Variants in STXBP6 observed in about 807,000 individuals in gnomAD.
STXBP6 encodes the protein syntaxin-binding protein 6.
A neutral mutation model predicts 26.9 loss-of-function variants in STXBP6; 21 were observed. The observed-to-expected ratio is 0.78, with a 90% CI of 0.55 to 1.12. The LOEUF (loss-of-function observed/expected upper bound fraction) is 1.12, where lower values mean the gene tolerates loss of function less well. STXBP6 is among the 50% of genes most tolerant of loss of function. STXBP6 has a pLI of 0.00. For synonymous variants in STXBP6, 97 were observed against 92.6 expected, an observed-to-expected ratio of 1.05 and a Z score of -0.27; for missense variants, 232 against 257.9, an observed-to-expected ratio of 0.90 and a Z score of 0.69.
At chr14:24,913,574 C>G (rs1193065566) in intron 2 of STXBP6, among the ~76,000 whole-genome samples, 1 of 152,158 alleles carries the variant, frequency 6.6e-6, no homozygotes, top group African/African-American at 2.4e-5. Flanking sequence ...CATCTGCAAT[C>G]TCTTTTAGAA....
At chr14:24,860,129 T>A (rs1310307024) in intron 2 of STXBP6, among the ~76,000 whole-genome samples, 1 of 152,208 alleles carries the variant, frequency 6.6e-6, no homozygotes, top group South Asian at 2.1e-4. Flanking sequence ...CATGAACTAA[T>A]GGTCTAAAGA....
intron 2 of STXBP6, among the ~76,000 whole-genome samples, chr14:24,869,852 C>A (rs1455355351): frequency 6.6e-6 from 1 of 152,136 alleles, no homozygotes; most frequent in Non-Finnish European, 1.5e-5. Context: ...GAAGCTGTTG[C>A]TCTCAGTAAA....
intron 1 of STXBP6, among the ~76,000 whole-genome samples, chr14:25,025,127 G>A (rs74857860): frequency 0.053 from 8,124 of 152,106 alleles, 651 homozygotes; most frequent in African/African-American, 0.17. Flanking sequence ...ATTTTGGTGT[G>A]TGGGATTTGA....
At chr14:24,899,812 A>AAAAAAAAGCAAAAAAAAG (rs1566458124) in intron 2 of STXBP6, among the ~76,000 whole-genome samples, 3 of 144,736 alleles carry the variant, frequency 2.1e-5, no homozygotes, top group African/African-American at 8.3e-5. Flanking sequence ...AAAAAAAAAA[A>AAAAAAAAGCAAAAAAAAG]AAAAGAGTAA....
In STXBP6 at chr14:24,818,392, C is replaced by T. The variant is rs768958246; in HGVS notation, c.609+645G>A. Among the ~76,000 whole-genome samples, 9 of 152,260 alleles carry T rather than the reference C, an allele frequency of 5.9e-5. No individual in the cohort carries two copies. The East Asian group carries it at 9.6e-4, about 16-fold the overall frequency. On this transcript the variant is annotated intron_variant, in intron 5 of 5. Coordinates refer to ENST00000323944, the MANE Select transcript of STXBP6 (RefSeq NM_001394410.1). ...AGCGAGTATGAGAATGTGCAGAGTG[C>T]GCACTCAGTCACGCAGGAAATGCCC...
At chr14:24,913,339 A>G (rs2071643776) in intron 2 of STXBP6, among the ~76,000 whole-genome samples, 1 of 152,204 alleles carries the variant, frequency 6.6e-6, no homozygotes, top group Admixed American at 6.5e-5. Context: ...GAAGGAGGAT[A>G]CTGAATGTTC....
At chr14:24,838,793 T>C (rs2068701271) in intron 4 of STXBP6, among the ~76,000 whole-genome samples, 1 of 151,300 alleles carries the variant, frequency 6.6e-6, no homozygotes, top group Admixed American at 6.6e-5. Context: ...TGAGGGAGAG[T>C]GAGCAAGATT....
At chr14:24,820,853 AC>A (rs1430459330) in intron 4 of STXBP6, among the ~76,000 whole-genome samples, 3 of 152,190 alleles carry the variant, frequency 2.0e-5, no homozygotes, top group Non-Finnish European at 2.9e-5. Flanking sequence ...TTTCCCAGTG[AC>A]TTTTCCTTAT....
chr14:24,967,836 C>A (rs2073781763), intron 2 of STXBP6, among the ~76,000 whole-genome samples: 1 of 152,152 alleles, frequency 6.6e-6, no homozygotes, highest in South Asian at 2.1e-4. Context: ...AGAAAGGAAT[C>A]TACTATTTAA....
intron 4 of STXBP6, among the ~76,000 whole-genome samples, chr14:24,820,142 A>G (rs74829999): frequency 2.0e-5 from 3 of 152,362 alleles, no homozygotes; most frequent in Non-Finnish European, 4.4e-5. Flanking sequence ...TTTTGTTAAC[A>G]CTGAGTGTGA....
intron 1 of STXBP6, among the ~76,000 whole-genome samples, chr14:25,034,549 A>G (rs1660710148): frequency 6.6e-6 from 1 of 152,148 alleles, no homozygotes; most frequent in Non-Finnish European, 1.5e-5. Context: ...CTAGTCACGC[A>G]CTGCCTCAGT....
chr14:24,916,604 T>C (rs910607765), intron 2 of STXBP6, among the ~76,000 whole-genome samples: 4 of 152,092 alleles, frequency 2.6e-5, no homozygotes, highest in African/African-American at 9.7e-5. Flanking sequence ...TTTTGTTTTA[T>C]TTAAAGAATC....
intron 2 of STXBP6, among the ~76,000 whole-genome samples, chr14:24,918,277 T>C (rs1355785416): frequency 2.6e-5 from 4 of 151,918 alleles, no homozygotes; most frequent in Admixed American, 6.6e-5. Flanking sequence ...TGAATTATAT[T>C]TCAATAAAAC....
chr14:25,036,793 T>C (rs929408026), intron 1 of STXBP6, among the ~76,000 whole-genome samples: 7 of 149,782 alleles, frequency 4.7e-5, no homozygotes, highest in Non-Finnish European at 8.9e-5. Context: ...GAGGCGGAGC[T>C]TGCAGTGAGC....
At chr14:24,845,258 C>T (rs1214653533) in intron 4 of STXBP6, among the ~76,000 whole-genome samples, 3 of 152,078 alleles carry the variant, frequency 2.0e-5, no homozygotes, top group Admixed American at 6.6e-5. Context: ...GTGATCTGCC[C>T]ACCTTGGCCT....
intron 2 of STXBP6, among the ~76,000 whole-genome samples, chr14:24,970,461 T>C (rs902960691): frequency 6.6e-6 from 1 of 152,182 alleles, no homozygotes; most frequent in Non-Finnish European, 1.5e-5. Flanking sequence ...TAGAATGTCA[T>C]ATAAATAGAA....
intron 2 of STXBP6, among the ~76,000 whole-genome samples, chr14:24,915,598 G>A (rs1324657920): frequency 6.6e-6 from 1 of 152,080 alleles, no homozygotes; most frequent in African/African-American, 2.4e-5. Context: ...ATAGAAATTA[G>A]CATAAACTAT....
At chr14:24,831,423 T>G (rs940778104) in intron 4 of STXBP6, among the ~76,000 whole-genome samples, 4 of 152,170 alleles carry the variant, frequency 2.6e-5, no homozygotes, top group Non-Finnish European at 5.9e-5. Flanking sequence ...ACATGCATTA[T>G]ATGGCTAGTG....
intron 1 of STXBP6, among the ~76,000 whole-genome samples, chr14:25,046,580 ACCT>A (rs2076675646): frequency 1.3e-5 from 2 of 152,122 alleles, no homozygotes; most frequent in African/African-American, 4.8e-5. Context: ...GCACTGACTG[ACCT>A]CCTCTTATAC....
Sources: allele counts gnomAD v4.1 joint callset (sites outside exome capture counted in the v4.1 genomes callset), GRCh38; gene constraint gnomAD v4.1.1; transcripts MANE v1.5; gene names NCBI Gene and HGNC (gene_info 2026-07-23, HGNC 2026-07-21).